Variants in SLC36A1 observed in about 807,000 individuals in gnomAD.
The protein encoded by SLC36A1 is solute carrier family 36 member 1.
SLC36A1 carries 30 observed loss-of-function variants against 47.5 expected under a neutral mutation model. That is an observed-to-expected ratio of 0.63 (90% CI 0.47 to 0.86). SLC36A1 has a LOEUF of 0.86. Among genes scored for constraint, SLC36A1 ranks in the 40% least tolerant of loss-of-function variants. SLC36A1 has a pLI of 0.00. For synonymous variants in SLC36A1, 255 were observed against 249.7 expected (o/e 1.02, Z -0.20); for missense variants, 517 against 606.0 (o/e 0.85, Z 1.54).
At chr5:151,521,870 C>T in the SLC36A1 span, 2 of 1,614,164 alleles carry the variant, frequency 1.2e-6, no homozygotes, top group Non-Finnish European at 1.7e-6. Context: ...AAGTGCCTGC[C>T]CAGGGTCTCC....
At chr5:151,530,781 G>A in the SLC36A1 span, among the ~76,000 whole-genome samples, 1 of 152,224 alleles carries the variant, frequency 6.6e-6, no homozygotes. Context: ...TCTGCGGTTG[G>A]ATGGATGTAG....
At chr5:151,347,190 T>C in the SLC36A1 span, 259 of 1,393,746 alleles carry the variant, frequency 1.9e-4, 1 homozygote, top group Non-Finnish European at 2.2e-4. Flanking sequence ...CCTTGGTTTC[T>C]CATCTGCACA....
the SLC36A1 span, among the ~76,000 whole-genome samples, chr5:151,420,866 TTCTC>T: frequency 2.0e-5 from 3 of 147,098 alleles, no homozygotes; most frequent in Admixed American, 1.4e-4. Context: ...CTTTCTTTCT[TTCTC>T]TTTCTTTCTT....
At chr5:151,433,210 C>T (rs1580997391), upstream of SLC36A1, among the ~76,000 whole-genome samples, 1 of 89,230 alleles carries the variant, frequency 1.1e-5, no homozygotes, top group South Asian at 4.6e-4. Flanking sequence ...ATAACTAAAA[C>T]TTCTGAATAA....
the SLC36A1 span, among the ~76,000 whole-genome samples, chr5:151,530,582 T>C: frequency 2.6e-5 from 4 of 152,236 alleles, no homozygotes; most frequent in Admixed American, 2.6e-4. Flanking sequence ...AAATTCAGTA[T>C]GTAGATGTTT....
At chr5:151,348,222 C>A in the SLC36A1 span, among the ~76,000 whole-genome samples, 1 of 152,176 alleles carries the variant, frequency 6.6e-6, no homozygotes, top group Non-Finnish European at 1.5e-5. Context: ...GTATGACTCC[C>A]AGCCACAGTT....
At chr5:151,439,610 G>T (rs529552286) in intron 1 of SLC36A1, among the ~76,000 whole-genome samples, 3 of 150,400 alleles carry the variant, frequency 2.0e-5, no homozygotes, top group Non-Finnish European at 4.4e-5. Flanking sequence ...CTGAGATCAT[G>T]CCACTGCACT....
chr5:151,475,669 G>A (rs1281223458), intron 8 of SLC36A1, among the ~76,000 whole-genome samples: 1 of 152,194 alleles, frequency 6.6e-6, no homozygotes, highest in Non-Finnish European at 1.5e-5. Flanking sequence ...GCAGGTGGTG[G>A]GGGACACTGG....
At chr5:151,507,621 CAG>C in the SLC36A1 span, 1 of 1,364,354 alleles carries the variant, frequency 7.3e-7, no homozygotes, top group Non-Finnish European at 9.6e-7. Context: ...CCTGCGGAGA[CAG>C]AGTAGTCAGG....
chr5:151,346,706 C>T, the SLC36A1 span, among the ~76,000 whole-genome samples: 1,458 of 152,196 alleles, frequency 9.6e-3, 22 homozygotes, highest in African/African-American at 0.033. Context: ...GCTTGGCTTC[C>T]CTCTTTTTTT....
At chr5:151,440,718 C>T (rs1752576665) in intron 1 of SLC36A1, among the ~76,000 whole-genome samples, 1 of 152,134 alleles carries the variant, frequency 6.6e-6, no homozygotes, top group Non-Finnish European at 1.5e-5. Context: ...TTCCAGCAAT[C>T]CAGGGAGGGA....
At chr5:151,447,346 A>G (rs1420015356), upstream of SLC36A1, among the ~76,000 whole-genome samples, 1 of 152,244 alleles carries the variant, frequency 6.6e-6, no homozygotes, top group Admixed American at 6.5e-5. Context: ...TGTAAAAATT[A>G]GCAATATTTC....
the SLC36A1 span, chr5:151,531,605 G>A: frequency 6.2e-7 from 1 of 1,612,752 alleles, no homozygotes; most frequent in South Asian, 1.1e-5. This position sits in a 1 kb window ranked among gnomAD's most constrained non-coding sequence, Gnocchi z 5.7. Context: ...GCATCCAGGC[G>A]GAACCTGCCT....
chr5:151,537,182 AAGAAG>A, the SLC36A1 span, among the ~76,000 whole-genome samples: 1 of 152,004 alleles, frequency 6.6e-6, no homozygotes, highest in Non-Finnish European at 1.5e-5. Context: ...TACAGAAAGA[AAGAAG>A]AGAGAGAGAG....
downstream of SLC36A1, among the ~76,000 whole-genome samples, chr5:151,494,660 T>C (rs1175284505): frequency 6.6e-6 from 1 of 152,284 alleles, no homozygotes. Flanking sequence ...CTGAGTAGTA[T>C]CTATTGCGTG....
chr5:151,542,700 A>C, the SLC36A1 span: 1 of 1,614,214 alleles, frequency 6.2e-7, no homozygotes, highest in Non-Finnish European at 8.5e-7. Context: ...CCACTGGCAT[A>C]TTCTCAGTGA....
intron 1 of SLC36A1, among the ~76,000 whole-genome samples, chr5:151,450,165 G>A (rs1214775554): frequency 6.7e-6 from 1 of 148,732 alleles, no homozygotes; most frequent in African/African-American, 2.5e-5. Flanking sequence ...AGCATGTAAA[G>A]TGGATGGAGC....
chr5:151,550,885 T>C, the SLC36A1 span: 2 of 1,610,436 alleles, frequency 1.2e-6, no homozygotes, highest in Non-Finnish European at 1.7e-6. Context: ...GGGAGGGAGA[T>C]GAGGGAGAAG....
chr5:151,505,864 G>C, the SLC36A1 span: 1 of 1,608,392 alleles, frequency 6.2e-7, no homozygotes, highest in Non-Finnish European at 8.5e-7. Flanking sequence ...GAGGGCATCA[G>C]ATCTTCCAGG....
Sources: gnomAD v4.1 joint callset for allele counts (sites outside exome capture counted in the v4.1 genomes callset) on GRCh38, gnomAD v4.1.1 for gene constraint, Gnocchi (gnomAD v3.1) non-coding constraint, MANE v1.5 for transcripts, NCBI Gene and HGNC (gene_info 2026-07-23, HGNC 2026-07-21) for gene names.